The following ARMC2 variants were observed in gnomAD, a reference collection of about 807,000 sequenced individuals.
The protein encoded by ARMC2 is armadillo repeat containing 2.
A neutral mutation model predicts 90.3 loss-of-function variants in ARMC2; 67 were observed. The ratio of observed to expected loss-of-function variants is 0.74; its 90% CI spans 0.61 to 0.91. The LOEUF (loss-of-function observed/expected upper bound fraction) is 0.91. ARMC2 is among the 40% of genes least tolerant of loss of function. The pLI, the probability that ARMC2 is intolerant of heterozygous loss-of-function variation, is 0.00. For synonymous variants in ARMC2, 393 were observed against 393.0 expected (o/e 1.00, Z 0.00); for missense variants, 920 against 1,030.9 (o/e 0.89, Z 1.47).
chr6:108,926,177 T>C (rs1775087490), intron 10 of ARMC2, among the ~76,000 whole-genome samples: 1 of 152,064 alleles, frequency 6.6e-6, no homozygotes, highest in Non-Finnish European at 1.5e-5. Context: ...AAAGGAACTG[T>C]TGGTGTGCAG....
At chr6:108,925,398 T>G (rs1446266348) in intron 10 of ARMC2, among the ~76,000 whole-genome samples, 1 of 152,224 alleles carries the variant, frequency 6.6e-6, no homozygotes, top group African/African-American at 2.4e-5. Flanking sequence ...GGCACTGGAC[T>G]TGGAGCTGGA....
chr6:109,049,719 A>G, the ARMC2 span, among the ~76,000 whole-genome samples: 1 of 150,006 alleles, frequency 6.7e-6, no homozygotes, highest in Non-Finnish European at 1.5e-5. Flanking sequence ...TATATTATAT[A>G]CTAATATTGA....
chr6:108,938,334 G>T (rs1308570940), intron 12 of ARMC2, among the ~76,000 whole-genome samples: 1 of 151,452 alleles, frequency 6.6e-6, no homozygotes, highest in East Asian at 1.9e-4. Context: ...CTTCTGCTGA[G>T]AATTATTAAA....
At chr6:108,930,134 A>C (rs1486401959) in intron 11 of ARMC2, among the ~76,000 whole-genome samples, 1 of 152,106 alleles carries the variant, frequency 6.6e-6, no homozygotes, top group East Asian at 1.9e-4. Flanking sequence ...TCTAAAAAAA[A>C]AAAAAAGAAT....
downstream of ARMC2, among the ~76,000 whole-genome samples, chr6:108,978,589 G>A (rs1054821859): frequency 3.9e-5 from 6 of 152,320 alleles, no homozygotes; most frequent in Admixed American, 1.3e-4. Context: ...AATACTGAAA[G>A]TGGGGTGTTA....
the ARMC2 span, chr6:108,990,566 T>C: frequency 8.0e-7 from 1 of 1,252,376 alleles, no homozygotes; most frequent in East Asian, 2.3e-5. Context: ...TGTGTGTCTA[T>C]GTGCATGTGC....
rs915463466 is a variant in ARMC2 at position 108,848,566 on chromosome 6, A to C, written c.-44+20A>C. 2.0e-5 allele frequency: 3 copies of C among 152,322 alleles called. No homozygotes were observed. The highest frequency in any genetic ancestry group is 4.4e-5 in the Non-Finnish European group (3 of 68,110). 9.4% of individuals were successfully genotyped at this position (152,322 alleles called of 1,614,324 possible). ...TCACAGGTGCTTTGGGTCAGGTCGG[A>C]AGCCTCCTTCCCTGAGCCCTCGCCA... On this transcript the variant is annotated intron_variant, in intron 1 of 17. Transcript: ENST00000392644.
chr6:108,959,041 C>A (rs1777797263), intron 13 of ARMC2, among the ~76,000 whole-genome samples: 1 of 152,144 alleles, frequency 6.6e-6, no homozygotes, highest in African/African-American at 2.4e-5. Flanking sequence ...TATTGATAAC[C>A]AAAATAATTC....
the ARMC2 span, among the ~76,000 whole-genome samples, chr6:109,045,832 T>C: frequency 6.6e-6 from 1 of 152,206 alleles, no homozygotes; most frequent in Non-Finnish European, 1.5e-5. Context: ...TATCTGTTTC[T>C]CCAGTGTCTG....
chr6:109,047,328 C>G, the ARMC2 span, among the ~76,000 whole-genome samples: 26 of 55,380 alleles, frequency 4.7e-4, no homozygotes, highest in Middle Eastern at 0.012. Flanking sequence ...CCAGCCGCCC[C>G]GTCCGGGAGG....
At chr6:109,001,173 AATC>A in the ARMC2 span, 3 of 870,044 alleles carry the variant, frequency 3.4e-6, no homozygotes, top group Non-Finnish European at 5.2e-6. Context: ...GTGCAACAGG[AATC>A]ATATTATATA....
chr6:108,912,185 T>G, intron 9 of ARMC2, 150 bp from the exon 10 acceptor site: 1 of 560,076 alleles, frequency 1.8e-6, no homozygotes, highest in South Asian at 3.2e-5. Flanking sequence ...AGCTTTTCTC[T>G]TATACTATAT....
chr6:108,864,661 T>C (rs1048526496), intron 3 of ARMC2, among the ~76,000 whole-genome samples: 5 of 152,178 alleles, frequency 3.3e-5, no homozygotes, highest in Non-Finnish European at 7.3e-5. Context: ...AGCACCTTTC[T>C]GGGGTGAGAT....
At chr6:108,940,234 C>A (rs189957701) in intron 12 of ARMC2, among the ~76,000 whole-genome samples, 2 of 152,286 alleles carry the variant, frequency 1.3e-5, no homozygotes, top group Non-Finnish European at 2.9e-5. Flanking sequence ...CCACTGCACT[C>A]CAGCCTGGGT....
At chr6:108,918,781 G>T (rs1774253112) in intron 10 of ARMC2, among the ~76,000 whole-genome samples, 1 of 152,218 alleles carries the variant, frequency 6.6e-6, no homozygotes, top group South Asian at 2.1e-4. Context: ...GCTAGGAAAT[G>T]AAATGAGATC....
chr6:109,007,818 C>A, the ARMC2 span, among the ~76,000 whole-genome samples: 2 of 115,320 alleles, frequency 1.7e-5, no homozygotes, highest in Admixed American at 1.0e-4. Flanking sequence ...CTTCTATGAA[C>A]TATATTTTAG....
intron 9 of ARMC2, 122 bp downstream of exon 9, chr6:108,911,123 G>A (rs1158657857): frequency 1.6e-6 from 1 of 629,436 alleles, no homozygotes; most frequent in Non-Finnish European, 2.7e-6. Context: ...ACATGCAGAA[G>A]TTATGTGATG....
intron 4 of ARMC2, among the ~76,000 whole-genome samples, chr6:108,874,835 TA>T (rs879356888): frequency 0.019 from 2,639 of 140,854 alleles, 44 homozygotes; most frequent in African/African-American, 0.051. Flanking sequence ...TTTCTCATCT[TA>T]AAAAAAAAAA....
At chr6:108,933,173 A>G (rs922989128) in intron 11 of ARMC2, among the ~76,000 whole-genome samples, 1 of 152,046 alleles carries the variant, frequency 6.6e-6, no homozygotes, top group Non-Finnish European at 1.5e-5. Flanking sequence ...GGCCATTTTA[A>G]TGGTACAAAT....
Sources: allele counts gnomAD v4.1 joint callset (sites outside exome capture counted in the v4.1 genomes callset), GRCh38; gene constraint gnomAD v4.1.1; transcripts MANE v1.5; gene names NCBI Gene and HGNC (gene_info 2026-07-23, HGNC 2026-07-21).